Variants in EYS observed in about 807,000 individuals in gnomAD.
EYS encodes the protein protein eyes shut homolog.
EYS carries 250 observed loss-of-function variants against 282.1 expected under a neutral mutation model. The observed-to-expected ratio is 0.89, with a 90% CI of 0.80 to 0.98. EYS has a LOEUF of 0.98. Among genes scored for constraint, EYS ranks in the 50% least tolerant of loss-of-function variants. The pLI is 0.00. For missense variants in EYS, 4,016 were observed against 3,709.0 expected, an observed-to-expected ratio of 1.08 and a Z score of -2.15; for synonymous variants, 1,355 against 1,282.9, an observed-to-expected ratio of 1.06 and a Z score of -1.20.
chr6:64,357,721 CTG>C (rs1771872128), intron 29 of EYS, among the ~76,000 whole-genome samples: 1 of 151,488 alleles, frequency 6.6e-6, no homozygotes, highest in South Asian at 2.1e-4. Context: ...CACTTGGTCT[CTG>C]TCTCAACTAC....
chr6:65,287,628 G>GCCC (rs1768402689), intron 12 of EYS, among the ~76,000 whole-genome samples: 1 of 150,984 alleles, frequency 6.6e-6, no homozygotes, highest in Non-Finnish European at 1.5e-5. Context: ...AATTAAATCA[G>GCCC]ATTCTGAAAA....
chr6:65,364,815 A>T (rs1327627366), intron 8 of EYS, among the ~76,000 whole-genome samples: 1 of 151,772 alleles, frequency 6.6e-6, no homozygotes, highest in Non-Finnish European at 1.5e-5. Flanking sequence ...TGGAGTTAGA[A>T]GAGAGGCAGC....
intron 30 of EYS, among the ~76,000 whole-genome samples, chr6:64,266,803 T>G (rs1223374868): frequency 2.0e-5 from 3 of 152,122 alleles, no homozygotes; most frequent in African/African-American, 7.2e-5. Context: ...AACCAGGCAC[T>G]GGGGTGTTTG....
At chr6:64,607,236 C>A (rs1030219396) in intron 24 of EYS, among the ~76,000 whole-genome samples, 1 of 151,014 alleles carries the variant, frequency 6.6e-6, no homozygotes, top group African/African-American at 2.4e-5. Flanking sequence ...GTGTAAAATG[C>A]ACAGTTCCAT....
chr6:65,007,095 T>C (rs1023838346), intron 13 of EYS, among the ~76,000 whole-genome samples: 2 of 152,244 alleles, frequency 1.3e-5, no homozygotes, highest in Non-Finnish European at 1.5e-5. Context: ...ATCCCTTTTT[T>C]TGTGGTCAAG....
intron 22 of EYS, among the ~76,000 whole-genome samples, chr6:64,712,293 A>G (rs1363386644): frequency 2.0e-5 from 3 of 152,234 alleles, no homozygotes; most frequent in African/African-American, 7.2e-5. Flanking sequence ...ATGAGGCACA[A>G]AAGGTAGGTG....
chr6:64,572,625 C>T (rs1765762304), intron 26 of EYS, among the ~76,000 whole-genome samples: 1 of 152,084 alleles, frequency 6.6e-6, no homozygotes, highest in Non-Finnish European at 1.5e-5. Context: ...TTCCTATACC[C>T]CAATAACAGA....
chr6:63,760,682 ATCTATCTATCTATCTATCTAATCT>A (rs1769614574), intron 41 of EYS, among the ~76,000 whole-genome samples: 1 of 151,118 alleles, frequency 6.6e-6, no homozygotes, highest in Non-Finnish European at 1.5e-5. Flanking sequence ...CTATCTATCT[ATCTATCTATCTATCTATCTAATCT>A]TCTATCTATA....
chr6:65,150,106 A>G (rs1364497783), intron 12 of EYS, among the ~76,000 whole-genome samples: 1 of 152,024 alleles, frequency 6.6e-6, no homozygotes, highest in Non-Finnish European at 1.5e-5. Context: ...CCCATGACAC[A>G]TGGGGATTAT....
chr6:65,484,546 A>G (rs999703049), intron 5 of EYS, among the ~76,000 whole-genome samples: 1 of 152,142 alleles, frequency 6.6e-6, no homozygotes, highest in African/African-American at 2.4e-5. Context: ...AGCTTGTTGG[A>G]CTTTGAAGAC....
At chr6:65,449,260 T>C (rs1231508412) in intron 5 of EYS, among the ~76,000 whole-genome samples, 1 of 152,124 alleles carries the variant, frequency 6.6e-6, no homozygotes, top group East Asian at 1.9e-4. Context: ...AATTCAAGAA[T>C]TGTCTCCAGC....
At chr6:65,688,532 C>G (rs1352231598) in intron 1 of EYS, among the ~76,000 whole-genome samples, 2 of 151,544 alleles carry the variant, frequency 1.3e-5, no homozygotes, top group Non-Finnish European at 3.0e-5. Context: ...GGGAAGGACA[C>G]CAAAAGCGAT....
intron 11 of EYS, 141 bp from the exon 12 acceptor site, chr6:65,296,260 T>C: frequency 1.1e-6 from 1 of 914,820 alleles, no homozygotes; most frequent in African/African-American, 1.7e-5. Flanking sequence ...AAAAAATATT[T>C]TCATAAAGTG....
In EYS at chr6:65,278,674, T is replaced by C. The variant is rs546956288; in HGVS notation, c.2023+17189A>G. Among the ~76,000 whole-genome samples the C allele has an allele frequency of 4.6e-5, 7 of 152,228 alleles. No homozygotes were observed. In the South Asian group the frequency reaches 1.4e-3, roughly 32 times the overall value. On this transcript the variant is annotated intron_variant, in intron 12 of 42. Coordinates refer to ENST00000503581, the MANE Select transcript of EYS (RefSeq NM_001142800.2). ...GAGGAGTTTACTTTGTCATGCTCACTATTGTATATAATTTATCATTTGTTG... is the reference window on the plus strand; with the variant it reads ...GAGGAGTTTACTTTGTCATGCTCACCATTGTATATAATTTATCATTTGTTG...
chr6:63,880,815 C>A (rs1183030547), intron 35 of EYS, among the ~76,000 whole-genome samples: 1 of 152,134 alleles, frequency 6.6e-6, no homozygotes, highest in Non-Finnish European at 1.5e-5. Context: ...TTTGCAACTT[C>A]TTTGCACTGG....
At chr6:65,026,151 T>C (rs935363082) in intron 13 of EYS, among the ~76,000 whole-genome samples, 4 of 152,134 alleles carry the variant, frequency 2.6e-5, no homozygotes, top group Admixed American at 1.3e-4. Context: ...ATTTATGAAA[T>C]CTTTACATAG....
At chr6:63,797,534 G>C (rs1235371693) in intron 37 of EYS, 1 of 152,072 alleles carries the variant, frequency 6.6e-6, no homozygotes, top group Non-Finnish European at 1.5e-5. Context: ...AGAGCATATA[G>C]TCTCTTTTTA....
At chr6:64,350,645 T>C (rs543974764) in intron 29 of EYS, among the ~76,000 whole-genome samples, 1 of 151,712 alleles carries the variant, frequency 6.6e-6, no homozygotes, top group Admixed American at 6.6e-5. Context: ...GAAATAAGTC[T>C]CTAAGAAGGA....
chr6:64,862,439 A>G (rs1215568235), intron 19 of EYS, among the ~76,000 whole-genome samples: 1 of 152,166 alleles, frequency 6.6e-6, no homozygotes, highest in Non-Finnish European at 1.5e-5. Flanking sequence ...AGCAGAAAAC[A>G]ATTTTTGATA....
Sources: gnomAD v4.1 joint callset for allele counts (sites outside exome capture counted in the v4.1 genomes callset) on GRCh38, gnomAD v4.1.1 for gene constraint, MANE v1.5 for transcripts, NCBI Gene and HGNC (gene_info 2026-07-23, HGNC 2026-07-21) for gene names.